Variants in THOC5 observed in about 807,000 individuals in gnomAD.
THOC5 encodes THO complex subunit 5, also known as Fms-interacting protein.
A neutral mutation model predicts 92.9 loss-of-function variants in THOC5; 43 were observed. The ratio of observed to expected loss-of-function variants is 0.46; its 90% CI spans 0.36 to 0.60. The LOEUF is 0.60. Among genes scored for constraint, THOC5 ranks in the 20% least tolerant of loss-of-function variants. The pLI is 0.00. For synonymous variants in THOC5, 296 were observed against 320.1 expected (o/e 0.92, Z 0.80); for missense variants, 659 against 849.4 (o/e 0.78, Z 2.79).
intron 1 of THOC5, among the ~76,000 whole-genome samples, chr22:29,552,680 G>A (rs1325079401): frequency 1.3e-4 from 19 of 151,568 alleles, no homozygotes; most frequent in African/African-American, 4.6e-4. Flanking sequence ...CCTCTGCCCG[G>A]CCGCCCCTTC....
intron 9 of THOC5, chr22:29,528,947 G>T: frequency 3.5e-6 from 2 of 575,114 alleles, no homozygotes; most frequent in South Asian, 2.3e-5. Context: ...CTTCCTCGGG[G>T]TCAGTCAGCT....
intron 19 of THOC5, among the ~76,000 whole-genome samples, chr22:29,509,275 C>CAAA (rs59981269): frequency 1.4e-5 from 1 of 70,914 alleles, no homozygotes; most frequent in African/African-American, 5.2e-5. Flanking sequence ...GACTCTGTCT[C>CAAA]AAAAAAAAAA....
intron 7 of THOC5, chr22:29,534,405 G>A (rs1318835313): frequency 1.3e-5 from 2 of 152,150 alleles, no homozygotes; most frequent in Non-Finnish European, 1.5e-5. Context: ...ATACACTTGC[G>A]AGTTACATGC....
chr22:29,545,295 C>A (rs1672910080), intron 2 of THOC5, among the ~76,000 whole-genome samples: 1 of 152,190 alleles, frequency 6.6e-6, no homozygotes, highest in Non-Finnish European at 1.5e-5. Context: ...CTGGGAAATA[C>A]AATTCAAGTT....
At chr22:29,523,839 T>A (rs28565881) in intron 12 of THOC5, among the ~76,000 whole-genome samples, 2 of 152,204 alleles carry the variant, frequency 1.3e-5, no homozygotes, top group African/African-American at 4.8e-5. Flanking sequence ...AGAATGATAG[T>A]ATGAGATTCA....
intron 4 of THOC5, 107 bp from the exon 5 acceptor site, chr22:29,543,063 G>A (rs2063932749): frequency 2.5e-6 from 2 of 797,574 alleles, no homozygotes; most frequent in Admixed American, 2.3e-5. Flanking sequence ...AGGGGATGGG[G>A]CTGGGTGCAG....
intron 6 of THOC5, among the ~76,000 whole-genome samples, chr22:29,538,848 C>T (rs4479529): frequency 0.25 from 35,518 of 144,172 alleles, 4,494 homozygotes; most frequent in East Asian, 0.31. Flanking sequence ...CAGTGGCTCA[C>T]GTCTGTAATC....
intron 17 of THOC5, 73 bp from the exon 18 acceptor site, chr22:29,512,209 G>T: frequency 8.7e-7 from 1 of 1,154,924 alleles, no homozygotes; most frequent in Non-Finnish European, 1.3e-6. Context: ...CCTCCCCACT[G>T]CACCCCTGAG....
chr22:29,522,194 CAAA>C (rs34045670), intron 12 of THOC5, among the ~76,000 whole-genome samples: 3 of 137,592 alleles, frequency 2.2e-5, no homozygotes, highest in Admixed American at 1.5e-4. Context: ...GCTAAAAATA[CAAA>C]AAAAAAAAAA....
At chr22:29,546,867 T>C (rs185208810) in intron 2 of THOC5, among the ~76,000 whole-genome samples, 4 of 151,054 alleles carry the variant, frequency 2.6e-5, no homozygotes, top group Admixed American at 6.6e-5. Context: ...TGAGACAAGG[T>C]CTTGCTCTTG....
At chr22:29,524,561 C>T (rs530283960) in intron 12 of THOC5, among the ~76,000 whole-genome samples, 38 of 152,266 alleles carry the variant, frequency 2.5e-4, no homozygotes, top group African/African-American at 8.4e-4. Context: ...CTACCACGAT[C>T]TGGGGGCCCT....
In THOC5 at chr22:29,531,591, A is replaced by G. The variant is rs552286350; in HGVS notation, c.847+240T>C. 82 of 1,248,998 alleles carry G rather than the reference A, an allele frequency of 6.6e-5. 1 individual carries two copies. The African/African-American group carries it at 1.1e-3, about 17-fold the overall frequency. The allele number at this position is 1,248,998 out of a possible 1,614,324, so 77.4% of individuals were successfully genotyped here. A position where few individuals can be genotyped will look rare whatever the true frequency, so the allele number is the denominator to read the frequency against. ...TGGGTTCTGCACCCAAGAGCTGTCC[A>G]GCCAGGCTCACGAATGACTCAAAGC... On this transcript the variant is annotated intron_variant, in intron 8 of 19. Coordinates refer to ENST00000490103, the MANE Select transcript of THOC5 (RefSeq NM_003678.5).
chr22:29,506,957 C>G lies in THOC5; in HGVS notation c.*1500G>C, dbSNP rs1165421988. ...ATGAATAGCTCACTGCTACCTTGAA[C>G]TCCTGGACTCCAGTCATCCGCCCAC... On this transcript the variant is annotated 3_prime_UTR_variant, in exon 20 of 20. Coordinates refer to ENST00000490103, the MANE Select transcript of THOC5 (RefSeq NM_003678.5). 1 of 152,190 alleles carries G rather than the reference C, an allele frequency of 6.6e-6. No homozygotes were observed. The highest frequency in any genetic ancestry group is 2.4e-5 in the African/African-American group (1 of 41,446). 9.4% of individuals were successfully genotyped at this position (152,190 alleles called of 1,614,324 possible). A position where few individuals can be genotyped will look rare whatever the true frequency, so the allele number is the denominator to read the frequency against.
rs181672242 is a variant in THOC5, at chr22:29,509,156, G to A, written c.1989-636C>T. 1.2e-4 allele frequency among the ~76,000 whole-genome samples: 18 copies of A among 151,810 alleles called. 1 individual carries two copies. The highest frequency in any genetic ancestry group is 4.1e-4 in the African/African-American group (17 of 41,440). ...CCCAGAATGCTGACAGAGGAGCTCA[G>A]CCTGGAGACACAACAAAGCCCTTCA... On this transcript the variant is annotated intron_variant, in intron 19 of 19. Transcript: ENST00000490103.
chr22:29,545,237 A>G (rs1231132559), intron 2 of THOC5: 1 of 191,458 alleles, frequency 5.2e-6, no homozygotes, highest in African/African-American at 2.4e-5. Flanking sequence ...ACTGGCCCCC[A>G]TGATGCAATT....
At chr22:29,524,023 T>G (rs1266555328) in intron 12 of THOC5, among the ~76,000 whole-genome samples, 1 of 152,228 alleles carries the variant, frequency 6.6e-6, no homozygotes, top group Non-Finnish European at 1.5e-5. Context: ...GGTTGTATGC[T>G]CCCTGGACCT....
At chr22:29,511,526 G>C (rs2063222253) in intron 18 of THOC5, 1 of 537,152 alleles carries the variant, frequency 1.9e-6, no homozygotes, top group Non-Finnish European at 3.3e-6. Flanking sequence ...TATGCCCACA[G>C]CCAGGAAAAC....
intron 8 of THOC5, chr22:29,531,221 G>A (rs1472991790): frequency 1.9e-6 from 2 of 1,054,358 alleles, no homozygotes; most frequent in African/African-American, 3.5e-5. Context: ...GGAGAAGCAA[G>A]CACTGGTGCG....
In THOC5 at chr22:29,508,278, C is replaced by G; in HGVS notation, c.*179G>C. 3.2e-6 allele frequency: 2 copies of G among 631,850 alleles called. No individual in the cohort carries two copies. Among genetic ancestry groups the G allele is most frequent in the South Asian group, 3.9e-5 (2 of 50,696 alleles). 39.1% of individuals were successfully genotyped at this position (631,850 alleles called of 1,614,324 possible). The stretch of plus-strand genomic sequence containing the variant: ...CACTGTGTCACAGCTCCCACCTGCC[C>G]TTCCAGACTGCAAAGCCACCTTGCC... On this transcript the variant is annotated 3_prime_UTR_variant, in exon 20 of 20. Coordinates refer to ENST00000490103, the MANE Select transcript of THOC5 (RefSeq NM_003678.5).
Sources: gnomAD v4.1 joint callset for allele counts (sites outside exome capture counted in the v4.1 genomes callset) on GRCh38, gnomAD v4.1.1 for gene constraint, MANE v1.5 for transcripts, NCBI Gene and HGNC (gene_info 2026-07-23, HGNC 2026-07-21) for gene names.